Variants in TBC1D1 observed in about 807,000 individuals in gnomAD.
TBC1D1 encodes TBC1 domain family member 1, also known as TBC1 (tre-2/USP6, BUB2, cdc16) domain family, member 1.
In TBC1D1, 89 loss-of-function variants were observed where a neutral mutation model predicts 125.6. The ratio of observed to expected loss-of-function variants is 0.71; its 90% CI spans 0.60 to 0.85. TBC1D1 has a LOEUF of 0.85. TBC1D1 is among the 40% of genes least tolerant of loss of function. TBC1D1 has a pLI of 0.00. For synonymous variants in TBC1D1, 565 were observed against 564.1 expected, an observed-to-expected ratio of 1.00 and a Z score of -0.02; for missense variants, 1,377 against 1,469.2, an observed-to-expected ratio of 0.94 and a Z score of 1.03.
At chr4:38,089,213 GTTTCC>G (rs1219175135) in intron 12 of TBC1D1, among the ~76,000 whole-genome samples, 2 of 152,188 alleles carry the variant, frequency 1.3e-5, no homozygotes, top group Non-Finnish European at 2.9e-5. Flanking sequence ...CTGAACTTTA[GTTTCC>G]TTTCCAGGCT....
rs1238648392 is a variant in TBC1D1, at chr4:38,044,428, G to A, written c.1480G>A (p.Asp494Asn). The change falls in exon 9 of 20, where the codon GAT (aspartate) becomes AAT (asparagine). Residue 494 changes from aspartate (D) to asparagine (N), a missense_variant. Physicochemically the swap from Asp to Asn is conservative, Grantham distance 23. Transcript: ENST00000261439. ...ACCCAGTGCCACTCGATTTAGGCTA[G>A]ATATGCTGAAAAACAAAGCAAAGAG... 1 of 1,613,806 alleles carries A rather than the reference G, an allele frequency of 6.2e-7. No homozygotes were observed. Among genetic ancestry groups the A allele is most frequent in the East Asian group, 2.2e-5 (1 of 44,880 alleles).
At chr4:37,919,344 T>TTG (rs1553897561) in intron 2 of TBC1D1, among the ~76,000 whole-genome samples, 2 of 151,298 alleles carry the variant, frequency 1.3e-5, no homozygotes, top group Non-Finnish European at 3.0e-5. Context: ...GTTTTTGTTT[T>TTG]TTTTTTTTTT....
At chr4:37,980,982 G>A (rs754757692) in intron 2 of TBC1D1, among the ~76,000 whole-genome samples, 3 of 151,170 alleles carry the variant, frequency 2.0e-5, no homozygotes, top group Non-Finnish European at 2.9e-5. Context: ...TCACTCTGTC[G>A]CCCAGGCTGG....
At chr4:37,922,968 T>A (rs1352480609) in intron 2 of TBC1D1, among the ~76,000 whole-genome samples, 5 of 152,088 alleles carry the variant, frequency 3.3e-5, no homozygotes, top group Admixed American at 2.0e-4. Context: ...CTTTTTTTTT[T>A]AATTATACTT....
At chr4:38,024,089 G>A (rs974014239) in intron 6 of TBC1D1, among the ~76,000 whole-genome samples, 1 of 152,236 alleles carries the variant, frequency 6.6e-6, no homozygotes, top group African/African-American at 2.4e-5. Flanking sequence ...GACATCTTAA[G>A]GTCTGGGAAG....
chr4:38,080,934 T>C (rs948726395), intron 12 of TBC1D1, among the ~76,000 whole-genome samples: 1 of 152,212 alleles, frequency 6.6e-6, no homozygotes, highest in Non-Finnish European at 1.5e-5. Context: ...AGGTTTTATA[T>C]GTAGAAAGTT....
rs144771214 is a variant in TBC1D1 at position 38,127,975 on chromosome 4, CA to C, written c.3132+2847del. ...GCTACTCACCTCGGCCTTTGCAGCA[CA>C]AACAATCCATGACAGCATGTAAGGG... On this transcript the variant is annotated intron_variant, in intron 18 of 19. Transcript: ENST00000261439. Among the ~76,000 whole-genome samples the C allele has an allele frequency of 8.7e-3, 1,326 of 152,272 alleles. 14 individuals are homozygous for C. The highest frequency in any genetic ancestry group is 0.03 in the African/African-American group (1,231 of 41,530).
At chr4:37,952,175 G>A in intron 2 of TBC1D1, 1 of 693,852 alleles carries the variant, frequency 1.4e-6, no homozygotes. Flanking sequence ...GTGGCCCTGA[G>A]ACTATTTATC....
chr4:37,946,451 T>G (rs1398098753), intron 2 of TBC1D1, among the ~76,000 whole-genome samples: 1 of 152,238 alleles, frequency 6.6e-6, no homozygotes, highest in Non-Finnish European at 1.5e-5. Flanking sequence ...CCCATAAATA[T>G]GTACACTTAT....
Position 37,952,028 on chromosome 4 carries a change from C to A in TBC1D1, c.417+49516C>A, listed in dbSNP as rs200344577. ...CAGTGCTCATCATCACTGTAGGGGA[C>A]CTTTGAAAGAGCTGCCGGAGAAGGT... On this transcript the variant is annotated intron_variant, in intron 2 of 19. Transcript: ENST00000261439. 1.9e-4 allele frequency: 139 copies of A among 717,676 alleles called. 1 individual carries two copies. In the African/African-American group the frequency reaches 2.2e-3, roughly 11 times the overall value. 44.5% of individuals were successfully genotyped at this position (717,676 alleles called of 1,614,324 possible). A position where few individuals can be genotyped will look rare whatever the true frequency, so the allele number is the denominator to read the frequency against.
chr4:37,935,802 T>C (rs1477931535), intron 2 of TBC1D1, among the ~76,000 whole-genome samples: 1 of 152,194 alleles, frequency 6.6e-6, no homozygotes, highest in East Asian at 1.9e-4. Flanking sequence ...GCCATTATCC[T>C]ACCCCTCCCA....
rs573044095 is a variant in TBC1D1 at position 37,942,301 on chromosome 4, C to T, written c.417+39789C>T. Among the ~76,000 whole-genome samples the T allele has an allele frequency of 2.2e-4, 33 of 152,182 alleles. 1 individual carries two copies. In the East Asian group the frequency reaches 6.4e-3, roughly 29 times the overall value. The stretch of plus-strand genomic sequence containing the variant: ...AATGGCCTTCTTTGCCTCTTTTGAT[C>T]TTTGTTGGTTTAAAGTCTGTTTAAT... On this transcript the variant is annotated intron_variant, in intron 2 of 19. Coordinates refer to ENST00000261439, the MANE Select transcript of TBC1D1 (RefSeq NM_015173.4).
intron 2 of TBC1D1, among the ~76,000 whole-genome samples, chr4:38,010,825 G>A (rs1164112236): frequency 6.6e-6 from 1 of 152,044 alleles, no homozygotes; most frequent in Non-Finnish European, 1.5e-5. Context: ...CTCAATTACC[G>A]TAAAGGATCC....
chr4:37,989,734 G>A (rs534553992), intron 2 of TBC1D1, among the ~76,000 whole-genome samples: 131 of 152,326 alleles, frequency 8.6e-4, no homozygotes, highest in African/African-American at 3.0e-3. Context: ...GGGGAGAGAG[G>A]AGGACATTGG....
chr4:38,075,781 A>G (rs988076664), intron 12 of TBC1D1, among the ~76,000 whole-genome samples: 5 of 152,210 alleles, frequency 3.3e-5, no homozygotes, highest in African/African-American at 1.2e-4. Flanking sequence ...GTCATCGGCC[A>G]GGTCACAGAG....
At chr4:37,907,397 T>A (rs1256579245) in intron 2 of TBC1D1, among the ~76,000 whole-genome samples, 2 of 152,230 alleles carry the variant, frequency 1.3e-5, no homozygotes, top group East Asian at 3.8e-4. Flanking sequence ...TTTTTTTTTC[T>A]TTGAGACGGA....
intron 12 of TBC1D1, among the ~76,000 whole-genome samples, chr4:38,088,027 A>G (rs1757832301): frequency 6.6e-6 from 1 of 151,136 alleles, no homozygotes; most frequent in South Asian, 2.1e-4. Context: ...GCCAGCCAGA[A>G]CACATCATAG....
chr4:38,012,678 T>C (rs118043675), intron 2 of TBC1D1, among the ~76,000 whole-genome samples: 1,626 of 152,276 alleles, frequency 0.011, 74 homozygotes, highest in Admixed American at 0.08. Context: ...GTCTTCTTTT[T>C]ATAATTGACC....
Position 37,959,406 on chromosome 4 carries a change from A to C in TBC1D1, c.418-55103A>C, listed in dbSNP as rs145554197. Among the ~76,000 whole-genome samples the C allele has an allele frequency of 5.9e-3, 895 of 152,352 alleles. 5 individuals are homozygous for C. Among genetic ancestry groups the C allele is most frequent in the South Asian group, 0.026 (125 of 4,826 alleles). On this transcript the variant is annotated intron_variant, in intron 2 of 19. Coordinates refer to ENST00000261439, the MANE Select transcript of TBC1D1 (RefSeq NM_015173.4). Reference sequence around the variant, plus strand: ...ATTCATTAAGTAGAAATAGATCATCATACAGGTCTTCACCCTCATTGTCTT... The same window carrying C: ...ATTCATTAAGTAGAAATAGATCATCCTACAGGTCTTCACCCTCATTGTCTT...
Sources: gnomAD v4.1 joint callset for allele counts (sites outside exome capture counted in the v4.1 genomes callset) on GRCh38, gnomAD v4.1.1 for gene constraint, MANE v1.5 for transcripts, NCBI Gene and HGNC (gene_info 2026-07-23, HGNC 2026-07-21) for gene names.